The following SLC25A48 variants were observed in gnomAD, a reference collection of about 807,000 sequenced individuals.
SLC25A48 encodes the protein CTC-321K16.1.
In SLC25A48, 29 loss-of-function variants were observed where a neutral mutation model predicts 32.2. The ratio of observed to expected loss-of-function variants is 0.90; its 90% confidence interval spans 0.67 to 1.23. SLC25A48 has a LOEUF of 1.23. Ranked by LOEUF, SLC25A48 falls within the 50% of genes most tolerant of loss-of-function variation. SLC25A48 has a pLI of 0.00. For synonymous variants in SLC25A48, 164 were observed against 172.3 expected (o/e 0.95, Z 0.38); for missense variants, 399 against 422.7 (o/e 0.94, Z 0.49).
chr5:135,791,106 C>T (rs1376089924), intron 3 of SLC25A48, among the ~76,000 whole-genome samples: 2 of 151,730 alleles, frequency 1.3e-5, no homozygotes, highest in Non-Finnish European at 2.9e-5. Flanking sequence ...AGTGGTTGTA[C>T]AGCCTGTGTG....
intron 3 of SLC25A48, among the ~76,000 whole-genome samples, chr5:135,707,530 G>C (rs1561457247): frequency 1.3e-5 from 2 of 152,048 alleles, no homozygotes; most frequent in East Asian, 3.9e-4. Flanking sequence ...CCCCGCCCTT[G>C]GGTCCCCGCA....
intron 4 of SLC25A48, among the ~76,000 whole-genome samples, chr5:135,818,319 C>T (rs1454834150): frequency 2.0e-5 from 3 of 152,162 alleles, no homozygotes; most frequent in African/African-American, 7.2e-5. Flanking sequence ...AAGCAGTCCT[C>T]TAATTCTGTG....
At chr5:135,735,713 A>G (rs1365495177) in intron 3 of SLC25A48, among the ~76,000 whole-genome samples, 1 of 152,160 alleles carries the variant, frequency 6.6e-6, no homozygotes, top group East Asian at 1.9e-4. Flanking sequence ...TGGGCCAGAG[A>G]AAAAATTTCC....
At chr5:135,773,646 G>A (rs959079999) in intron 3 of SLC25A48, among the ~76,000 whole-genome samples, 5 of 151,620 alleles carry the variant, frequency 3.3e-5, no homozygotes, top group African/African-American at 1.2e-4. Flanking sequence ...ATCCCAGAAT[G>A]TGTACACCCC....
intron 3 of SLC25A48, among the ~76,000 whole-genome samples, chr5:135,650,824 G>A (rs1254742392): frequency 6.6e-6 from 1 of 152,084 alleles, no homozygotes; most frequent in Non-Finnish European, 1.5e-5. Flanking sequence ...GGCATAGGCA[G>A]AGGAGCTCAT....
intron 1 of SLC25A48, among the ~76,000 whole-genome samples, chr5:135,601,519 C>A (rs1295432662): frequency 2.6e-5 from 4 of 152,182 alleles, no homozygotes; most frequent in Admixed American, 6.5e-5. Context: ...TCTACAACTC[C>A]TAGGAGAAAG....
In SLC25A48 at chr5:135,650,023, G is replaced by A. The variant is rs116301954; in HGVS notation, c.-521+15067G>A. 688 of 162,616 alleles carry A rather than the reference G, an allele frequency of 4.2e-3. 3 individuals are homozygous for A. Among genetic ancestry groups the A allele is most frequent in the Non-Finnish European group, 5.6e-3 (416 of 73,968 alleles). 10.1% of individuals were successfully genotyped at this position (162,616 alleles called of 1,614,324 possible). ...CCACCCGCTTCTCCTGCCAGCCATCGTCAGAGGCCATTCTCATAGTTCGCC... is the reference window on the plus strand; with the variant it reads ...CCACCCGCTTCTCCTGCCAGCCATCATCAGAGGCCATTCTCATAGTTCGCC... On this transcript the variant is annotated intron_variant, in intron 3 of 10. Transcript: ENST00000646290.
intron 3 of SLC25A48, among the ~76,000 whole-genome samples, chr5:135,788,926 C>T (rs868114543): frequency 1.0e-4 from 15 of 144,298 alleles, no homozygotes; most frequent in Middle Eastern, 9.4e-3. Flanking sequence ...GCGTAATATC[C>T]GGGGGGAAGA....
intron 3 of SLC25A48, among the ~76,000 whole-genome samples, chr5:135,759,662 C>T (rs1294558239): frequency 1.3e-5 from 2 of 152,056 alleles, no homozygotes; most frequent in Admixed American, 6.6e-5. Context: ...TCACAAATGC[C>T]ACATAAAAGG....
At chr5:135,635,698 G>A (rs767249164) in intron 3 of SLC25A48, among the ~76,000 whole-genome samples, 1 of 152,146 alleles carries the variant, frequency 6.6e-6, no homozygotes, top group Non-Finnish European at 1.5e-5. Flanking sequence ...TCCCACCACG[G>A]CTGGTTTCAA....
chr5:135,876,125 C>CTTTTTTTT (rs1762015222), intron 6 of SLC25A48: 1 of 74,758 alleles, frequency 1.3e-5, no homozygotes, highest in African/African-American at 6.3e-5. Flanking sequence ...TCTTTTTTTT[C>CTTTTTTTT]TTCTTCTTTT....
intron 4 of SLC25A48, chr5:135,826,028 G>A (rs1281945316): frequency 6.6e-6 from 1 of 152,360 alleles, no homozygotes; most frequent in African/African-American, 2.4e-5. Context: ...AGGTCAGTCA[G>A]TTTGCCCTGG....
chr5:135,661,517 C>T (rs1304264871), intron 3 of SLC25A48, among the ~76,000 whole-genome samples: 1 of 152,162 alleles, frequency 6.6e-6, no homozygotes, highest in Non-Finnish European at 1.5e-5. Context: ...AGCCACCTTC[C>T]AGGCATTAAA....
intron 1 of SLC25A48, among the ~76,000 whole-genome samples, chr5:135,600,347 T>C (rs933557374): frequency 3.9e-5 from 6 of 152,240 alleles, no homozygotes; most frequent in Admixed American, 6.5e-5. Flanking sequence ...GCTATAAGTT[T>C]GTGGATTTTG....
intron 7 of SLC25A48, among the ~76,000 whole-genome samples, chr5:135,884,031 C>T (rs569016276): frequency 1.1e-4 from 16 of 152,284 alleles, no homozygotes; most frequent in African/African-American, 3.9e-4. Context: ...CAGCACAGTG[C>T]CGTGGCAGCC....
Position 135,784,950 on chromosome 5 carries a change from G to A in SLC25A48, c.-520-27573G>A. On this transcript the variant is annotated intron_variant, in intron 3 of 10. Coordinates refer to the SLC25A48 transcript ENST00000646290. ...CATGTGACATTATTTCTAAAATCCA[G>A]GGGGAAAGAGGATATTACTCCAAAA... Among the ~76,000 whole-genome samples, 2 of 124,186 alleles carry A rather than the reference G, an allele frequency of 1.6e-5. 1 individual carries two copies. 81.5% of individuals were successfully genotyped at this position (124,186 alleles called of 152,430 possible).
chr5:135,714,638 C>T (rs1183560366), intron 3 of SLC25A48: 2 of 152,254 alleles, frequency 1.3e-5, no homozygotes, highest in Non-Finnish European at 2.9e-5. Context: ...GGACAAAGTT[C>T]ATAATTGTTA....
chr5:135,842,013 T>G (rs1170038916), intron 1 of SLC25A48, among the ~76,000 whole-genome samples: 1 of 152,236 alleles, frequency 6.6e-6, no homozygotes, highest in Non-Finnish European at 1.5e-5. Context: ...TGGTATCATA[T>G]CTGAGAGTCC....
At chr5:135,664,241 A>G (rs574299673) in intron 3 of SLC25A48, among the ~76,000 whole-genome samples, 2 of 152,348 alleles carry the variant, frequency 1.3e-5, no homozygotes, top group South Asian at 2.1e-4. Context: ...CGACAGACTC[A>G]TCATTCTGAC....
Sources: gnomAD v4.1 joint callset for allele counts (sites outside exome capture counted in the v4.1 genomes callset) on GRCh38, gnomAD v4.1.1 for gene constraint, MANE v1.5 for transcripts, NCBI Gene and HGNC (gene_info 2026-07-23, HGNC 2026-07-21) for gene names.